The following SLC24A3 variants were observed in gnomAD, a reference collection of about 807,000 sequenced individuals.
SLC24A3 encodes sodium/potassium/calcium exchanger 3.
In SLC24A3, 28 loss-of-function variants were observed where a neutral mutation model predicts 75.8. The ratio of observed to expected loss-of-function variants is 0.37; its 90% CI spans 0.27 to 0.51. The LOEUF is 0.51. Among genes scored for constraint, SLC24A3 ranks in the 20% least tolerant of loss-of-function variants. The pLI is 0.94. For synonymous variants in SLC24A3, 372 were observed against 334.1 expected, an observed-to-expected ratio of 1.11 and a Z score of -1.24; for missense variants, 663 against 847.8, an observed-to-expected ratio of 0.78 and a Z score of 2.71.
intron 16 of SLC24A3, 51 bp downstream of exon 16, chr20:19,717,644 C>T (rs2033058130): frequency 6.2e-7 from 1 of 1,608,092 alleles, no homozygotes; most frequent in East Asian, 2.2e-5. Context: ...TCTTTCCTCC[C>T]CTTGGTTTCT....
At chr20:19,333,941 A>G (rs1183896546) in intron 2 of SLC24A3, among the ~76,000 whole-genome samples, 2 of 152,176 alleles carry the variant, frequency 1.3e-5, no homozygotes, top group Middle Eastern at 3.4e-3. Flanking sequence ...AAGAAAAGAC[A>G]TGGTTGTGCA....
At chr20:19,302,367 C>T (rs958150236) in intron 2 of SLC24A3, among the ~76,000 whole-genome samples, 1 of 152,188 alleles carries the variant, frequency 6.6e-6, no homozygotes, top group African/African-American at 2.4e-5. Context: ...ATCCATGTAA[C>T]TTCTCTGTGA....
At chr20:19,593,949 A>T (rs997289605) in intron 6 of SLC24A3, among the ~76,000 whole-genome samples, 2 of 152,118 alleles carry the variant, frequency 1.3e-5, no homozygotes, top group Non-Finnish European at 2.9e-5. Flanking sequence ...CCTGAACCCC[A>T]CAACAGCTGC....
intron 1 of SLC24A3, among the ~76,000 whole-genome samples, chr20:19,265,222 T>C (rs2122202153): frequency 6.6e-6 from 1 of 152,346 alleles, no homozygotes; most frequent in South Asian, 2.1e-4. Flanking sequence ...GTCAACTGTC[T>C]TGCTCCACCA....
intron 1 of SLC24A3, among the ~76,000 whole-genome samples, chr20:19,225,785 T>G (rs1289812938): frequency 6.6e-6 from 1 of 152,224 alleles, no homozygotes; most frequent in Non-Finnish European, 1.5e-5. Flanking sequence ...TTTTTATGGC[T>G]GAGTAGTATT....
chr20:19,616,834 C>T (rs895729769), intron 6 of SLC24A3, among the ~76,000 whole-genome samples: 2 of 152,116 alleles, frequency 1.3e-5, no homozygotes, highest in African/African-American at 4.8e-5. Flanking sequence ...GCTACTTAGG[C>T]AGCTGAGAAC....
intron 2 of SLC24A3, among the ~76,000 whole-genome samples, chr20:19,495,474 C>T (rs79312873): frequency 0.014 from 2,083 of 152,310 alleles, 49 homozygotes; most frequent in East Asian, 0.067. Flanking sequence ...ATGAACGCCT[C>T]GCTCTGTAGA....
intron 2 of SLC24A3, among the ~76,000 whole-genome samples, chr20:19,283,784 T>A (rs181041069): frequency 3.7e-4 from 56 of 152,318 alleles, no homozygotes; most frequent in Non-Finnish European, 6.8e-4. Context: ...ACTAATAAAG[T>A]GTGGACAGCT....
intron 9 of SLC24A3, among the ~76,000 whole-genome samples, chr20:19,675,289 T>C (rs1187957143): frequency 6.6e-6 from 1 of 152,182 alleles, no homozygotes; most frequent in Non-Finnish European, 1.5e-5. Context: ...AGTGACTGCC[T>C]TCTCTAGGGG....
intron 6 of SLC24A3, among the ~76,000 whole-genome samples, chr20:19,629,291 A>G (rs1377424702): frequency 1.3e-5 from 2 of 152,222 alleles, no homozygotes; most frequent in Non-Finnish European, 1.5e-5. Context: ...GATCAACAGT[A>G]TACTGTATCA....
chr20:19,370,136 T>C lies in SLC24A3; in HGVS notation c.271+89049T>C, dbSNP rs560982117. Among the ~76,000 whole-genome samples, 296 of 152,314 alleles carry C rather than the reference T, an allele frequency of 1.9e-3. 1 individual carries two copies. The highest frequency in any genetic ancestry group is 6.7e-3 in the African/African-American group (279 of 41,568). Reference sequence around the variant, plus strand: ...CTTAAAAAAAAAGATAATTCCAAAATCGCTGGGTGCAAAGCCATGGAAGTG... The same window carrying C: ...CTTAAAAAAAAAGATAATTCCAAAACCGCTGGGTGCAAAGCCATGGAAGTG... On this transcript the variant is annotated intron_variant, in intron 2 of 16. Coordinates refer to ENST00000328041, the MANE Select transcript of SLC24A3 (RefSeq NM_020689.4).
intron 1 of SLC24A3, among the ~76,000 whole-genome samples, chr20:19,233,442 C>T (rs574563957): frequency 1.1e-3 from 167 of 152,288 alleles, no homozygotes; most frequent in African/African-American, 3.9e-3. Context: ...ATAAGTGTCC[C>T]GTGATGGCTC....
At chr20:19,645,419 C>T (rs2032125730) in intron 6 of SLC24A3, among the ~76,000 whole-genome samples, 1 of 152,174 alleles carries the variant, frequency 6.6e-6, no homozygotes, top group Non-Finnish European at 1.5e-5. Context: ...CTGCAAGGCT[C>T]AGCTATATAG....
Position 19,340,099 on chromosome 20 carries a change from G to A in SLC24A3, c.271+59012G>A, listed in dbSNP as rs149020860. 5.5e-3 allele frequency among the ~76,000 whole-genome samples: 842 copies of A among 152,216 alleles called. 9 individuals are homozygous for A. The highest frequency in any genetic ancestry group is 0.017 in the African/African-American group (719 of 41,540). On this transcript the variant is annotated intron_variant, in intron 2 of 16. Transcript: ENST00000328041. The stretch of plus-strand genomic sequence containing the variant: ...GTCCCTTAAAAGAAGATATGTTGGC[G>A]TCTTAGTCCTAACCCCCAGTAACTC...
At chr20:19,432,271 T>TTTATATATATATATATATATAAGA (rs1294972388) in intron 2 of SLC24A3, among the ~76,000 whole-genome samples, 3 of 103,524 alleles carry the variant, frequency 2.9e-5, no homozygotes, top group Non-Finnish European at 5.3e-5. Flanking sequence ...ATATATCTGT[T>TTTATATATATATATATATATAAGA]TTATATATAT....
chr20:19,580,064 A>G lies in SLC24A3; in HGVS notation c.413A>G (p.Lys138Arg). 4.3e-6 allele frequency: 7 copies of G among 1,613,590 alleles called. No individual in the cohort carries two copies. Among genetic ancestry groups the G allele is most frequent in the Non-Finnish European group, 5.9e-6 (7 of 1,179,568 alleles). The change falls in exon 4 of 17, where the codon AAG becomes AGG. Residue 138 changes from lysine to arginine, a missense_variant. Transcript: ENST00000328041. Reference protein sequence around the residue: ...CDDFFVPSLEKICERLHLSED... With the variant: ...CDDFFVPSLERICERLHLSED... ...GACTTCTTCGTCCCTTCCTTGGAAAAGATCTGTGAGGTACGTGCCTCACAT... is the reference window on the plus strand; with the variant it reads ...GACTTCTTCGTCCCTTCCTTGGAAAGGATCTGTGAGGTACGTGCCTCACAT...
chr20:19,495,887 C>G (rs1373395667), intron 2 of SLC24A3, among the ~76,000 whole-genome samples: 1 of 152,220 alleles, frequency 6.6e-6, no homozygotes, highest in Non-Finnish European at 1.5e-5. Context: ...TGAGTCTGCG[C>G]CTGCTTCCAA....
At chr20:19,426,244 A>G (rs990128659) in intron 2 of SLC24A3, among the ~76,000 whole-genome samples, 3 of 152,240 alleles carry the variant, frequency 2.0e-5, no homozygotes, top group African/African-American at 7.2e-5. Context: ...GTATTACAAT[A>G]TACACAAGGT....
chr20:19,228,404 C>CT (rs1354971068), intron 1 of SLC24A3, among the ~76,000 whole-genome samples: 1 of 152,124 alleles, frequency 6.6e-6, no homozygotes, highest in Admixed American at 6.6e-5. Context: ...CTTTCGGAGG[C>CT]TGAGGTGGGC....
Sources: gnomAD v4.1 joint callset for allele counts (sites outside exome capture counted in the v4.1 genomes callset) on GRCh38, gnomAD v4.1.1 for gene constraint, MANE v1.5 for transcripts, NCBI Gene and HGNC (gene_info 2026-07-23, HGNC 2026-07-21) for gene names.